KCNH8: variants seen among roughly 807,000 people sequenced by gnomAD.
The protein encoded by KCNH8 is potassium voltage-gated channel subfamily H member 8, also known as voltage-gated delayed rectifier potassium channel KCNH8.
KCNH8 carries 70 observed loss-of-function variants against 103.6 expected under a neutral mutation model. That is an observed-to-expected ratio of 0.68 (90% CI 0.56 to 0.82). The LOEUF is 0.82. Ranked by LOEUF, KCNH8 falls within the 40% of genes least tolerant of loss-of-function variation. The pLI is 0.00. For synonymous variants in KCNH8, 498 were observed against 489.4 expected, an observed-to-expected ratio of 1.02 and a Z score of -0.23; for missense variants, 1,217 against 1,329.9, an observed-to-expected ratio of 0.92 and a Z score of 1.32.
chr3:19,532,165 A>C (rs987254309), intron 15 of KCNH8, among the ~76,000 whole-genome samples: 3 of 152,180 alleles, frequency 2.0e-5, no homozygotes, highest in African/African-American at 7.2e-5. Context: ...TTCTCTAATG[A>C]ATGTTATTAT....
Position 19,253,775 on chromosome 3 carries a change from C to G in KCNH8, c.198C>G (p.Ser66Arg). 6.2e-7 allele frequency: 1 copy of G among 1,613,768 alleles called. No homozygotes were observed. Among genetic ancestry groups the G allele is most frequent in the Non-Finnish European group, 8.5e-7 (1 of 1,179,900 alleles). Reference protein sequence around the residue: ...ARTEVMQKSCSCKFLFGVETN... With the variant: ...ARTEVMQKSCRCKFLFGVETN... ...CTGAAGTCATGCAGAAGAGTTGTAG[C>G]TGCAAGTTCTTATTTGGGGTTGAAA... The change falls in exon 2 of 16, where the codon AGC becomes AGG. Residue 66 changes from serine (S) to arginine (R), a missense_variant. By Grantham distance (110) the Ser-to-Arg change is moderately radical (BLOSUM62 -1). Coordinates refer to ENST00000328405, the MANE Select transcript of KCNH8 (RefSeq NM_144633.3).
chr3:19,392,910 G>A (rs1575008116), intron 6 of KCNH8, among the ~76,000 whole-genome samples: 1 of 152,068 alleles, frequency 6.6e-6, no homozygotes, highest in African/African-American at 2.4e-5. Flanking sequence ...CATAAAATGG[G>A]CATAATATAA....
chr3:19,348,600 A>T lies in KCNH8; in HGVS notation c.811+635A>T, dbSNP rs74966212. ...CTATTTTCCTGTCCCTTAAATCTTC[A>T]TCTTGTTTAGACCAAAGCCTAGCTC... On this transcript the variant is annotated intron_variant, in intron 5 of 15. Transcript: ENST00000328405. Among the ~76,000 whole-genome samples the T allele has an allele frequency of 5.8e-3, 882 of 152,116 alleles. 7 individuals are homozygous for T. Among genetic ancestry groups the T allele is most frequent in the African/African-American group, 0.02 (827 of 41,544 alleles).
intron 7 of KCNH8, among the ~76,000 whole-genome samples, chr3:19,408,229 T>C (rs996528696): frequency 6.6e-6 from 1 of 151,906 alleles, no homozygotes; most frequent in Non-Finnish European, 1.5e-5. Context: ...TACGTAGACA[T>C]AGAATTTATA....
intron 8 of KCNH8, among the ~76,000 whole-genome samples, chr3:19,442,421 A>G (rs1296443422): frequency 2.0e-5 from 3 of 152,314 alleles, no homozygotes; most frequent in East Asian, 1.9e-4. Flanking sequence ...CTTATTATCT[A>G]TTGATCCACT....
chr3:19,449,164 G>A (rs1348380311), intron 8 of KCNH8, among the ~76,000 whole-genome samples: 1 of 151,798 alleles, frequency 6.6e-6, no homozygotes, highest in Non-Finnish European at 1.5e-5. Flanking sequence ...CTCAAATTCT[G>A]GTGAACAAAA....
At chr3:19,221,993 A>G (rs1480541846) in intron 1 of KCNH8, among the ~76,000 whole-genome samples, 1 of 152,148 alleles carries the variant, frequency 6.6e-6, no homozygotes, top group Non-Finnish European at 1.5e-5. Context: ...GACTACAGGC[A>G]CGTGCCACCA....
chr3:19,268,252 A>G (rs187784055), intron 2 of KCNH8, among the ~76,000 whole-genome samples: 1 of 152,094 alleles, frequency 6.6e-6, no homozygotes, highest in Non-Finnish European at 1.5e-5. Flanking sequence ...AGAGAATAAC[A>G]GGGGGATCTG....
At chr3:19,312,230 A>G (rs2065217208) in intron 3 of KCNH8, among the ~76,000 whole-genome samples, 1 of 151,970 alleles carries the variant, frequency 6.6e-6, no homozygotes, top group Admixed American at 6.6e-5. Context: ...GGGCCAATCA[A>G]TGGCATAAGA....
At chr3:19,207,478 A>G (rs559407533) in intron 1 of KCNH8, among the ~76,000 whole-genome samples, 1 of 152,074 alleles carries the variant, frequency 6.6e-6, no homozygotes, top group African/African-American at 2.4e-5. Context: ...AATAAAGTGG[A>G]TCTGTGGGCC....
At chr3:19,485,778 G>C (rs1308395316) in intron 11 of KCNH8, among the ~76,000 whole-genome samples, 1 of 152,198 alleles carries the variant, frequency 6.6e-6, no homozygotes, top group East Asian at 1.9e-4. Context: ...GGGCCACTGA[G>C]GTGGAGGCTC....
intron 7 of KCNH8, among the ~76,000 whole-genome samples, chr3:19,397,538 CATATATATATATGTGTGTATATATACAT>C (rs1052418546): frequency 6.7e-6 from 1 of 149,148 alleles, no homozygotes; most frequent in South Asian, 2.1e-4. Context: ...TATATACACA[CATATATATATATGTGTGTATATATACAT>C]ATATATATTT....
rs546938704 is a variant in KCNH8 at position 19,350,319 on chromosome 3, A to C, written c.811+2354A>C. Among the ~76,000 whole-genome samples the C allele has an allele frequency of 4.6e-5, 7 of 152,210 alleles. No homozygotes were observed. The East Asian group carries it at 1.4e-3, about 30-fold the overall frequency. On this transcript the variant is annotated intron_variant, in intron 5 of 15. Coordinates refer to ENST00000328405, the MANE Select transcript of KCNH8 (RefSeq NM_144633.3). Reference sequence around the variant, plus strand: ...TGTGAAGGTAGTGTTCATACCATTTAATATTTATTAAATTACTGCAGACTT... The same window carrying C: ...TGTGAAGGTAGTGTTCATACCATTTCATATTTATTAAATTACTGCAGACTT...
intron 5 of KCNH8, among the ~76,000 whole-genome samples, chr3:19,372,801 A>G (rs2066122014): frequency 2.0e-5 from 3 of 152,082 alleles, no homozygotes; most frequent in Non-Finnish European, 4.4e-5. Context: ...TACCGAATTT[A>G]TTGAGAGTTT....
intron 11 of KCNH8, among the ~76,000 whole-genome samples, chr3:19,497,242 C>T (rs1231293944): frequency 6.6e-6 from 1 of 152,002 alleles, no homozygotes; most frequent in Non-Finnish European, 1.5e-5. Context: ...GTCTTAATAT[C>T]CTTCAGTTTA....
chr3:19,401,525 A>T, intron 7 of KCNH8, among the ~76,000 whole-genome samples: 1 of 152,028 alleles, frequency 6.6e-6, no homozygotes, highest in Admixed American at 6.6e-5. Flanking sequence ...CGCAAATCAA[A>T]TACCATCCAT....
chr3:19,326,427 A>T (rs1406008268), intron 3 of KCNH8, among the ~76,000 whole-genome samples: 1 of 149,772 alleles, frequency 6.7e-6, no homozygotes, highest in Non-Finnish European at 1.5e-5. Context: ...TGTTGATATT[A>T]ACTAGACATG....
intron 11 of KCNH8, among the ~76,000 whole-genome samples, chr3:19,461,458 G>A (rs906733715): frequency 6.6e-6 from 1 of 152,122 alleles, no homozygotes; most frequent in Non-Finnish European, 1.5e-5. Flanking sequence ...CAGACTAACT[G>A]TAGAAGCAAG....
chr3:19,170,810 ATT>A (rs1163528137), intron 1 of KCNH8, among the ~76,000 whole-genome samples: 1,893 of 75,176 alleles, frequency 0.025, 19 homozygotes, highest in Middle Eastern at 0.059. Flanking sequence ...ATATATATAT[ATT>A]TTTTTTTTTT....
Sources: gnomAD v4.1 joint callset for allele counts (sites outside exome capture counted in the v4.1 genomes callset) on GRCh38, gnomAD v4.1.1 for gene constraint, MANE v1.5 for transcripts, NCBI Gene and HGNC (gene_info 2026-07-23, HGNC 2026-07-21) for gene names.